The following LRMDA variants were observed in gnomAD, a reference collection of about 807,000 sequenced individuals.
The protein encoded by LRMDA is leucine-rich melanocyte differentiation-associated protein.
LRMDA carries 18 observed loss-of-function variants against 29.8 expected under a neutral mutation model. The ratio of observed to expected loss-of-function variants is 0.60; its 90% CI spans 0.42 to 0.90. LRMDA has a LOEUF of 0.90. Among genes scored for constraint, LRMDA ranks in the 40% least tolerant of loss-of-function variants. The pLI is 0.00. For missense variants in LRMDA, 273 were observed against 273.9 expected, an observed-to-expected ratio of 1.00 and a Z score of 0.02; for synonymous variants, 125 against 109.4, an observed-to-expected ratio of 1.14 and a Z score of -0.89.
chr10:75,706,358 T>C (rs1326044196), intron 2 of LRMDA, among the ~76,000 whole-genome samples: 1 of 152,208 alleles, frequency 6.6e-6, no homozygotes, highest in Non-Finnish European at 1.5e-5. Context: ...AATATTGGGC[T>C]GATGAGACAC....
At chr10:76,205,076 T>TA (rs1851509591) in intron 5 of LRMDA, among the ~76,000 whole-genome samples, 1 of 152,108 alleles carries the variant, frequency 6.6e-6, no homozygotes, top group Admixed American at 6.5e-5. Flanking sequence ...AACCGTGGGA[T>TA]CCTCTAACTG....
At chr10:76,242,444 T>C (rs1206048000) in intron 5 of LRMDA, 2 of 152,220 alleles carry the variant, frequency 1.3e-5, no homozygotes, top group African/African-American at 2.4e-5. Flanking sequence ...CTCCAAAGAC[T>C]CTGGGTAGAA....
intron 5 of LRMDA, among the ~76,000 whole-genome samples, chr10:76,092,741 A>G (rs1353540569): frequency 2.0e-5 from 3 of 152,236 alleles, no homozygotes. Flanking sequence ...TGTATGGAAT[A>G]GGAAATGTGG....
At chr10:75,572,097 G>A (rs917155052) in intron 2 of LRMDA, among the ~76,000 whole-genome samples, 3 of 152,010 alleles carry the variant, frequency 2.0e-5, no homozygotes, top group African/African-American at 7.3e-5. Context: ...GGGACTACAG[G>A]TGCACACCAC....
chr10:76,409,867 C>T (rs945868688), intron 6 of LRMDA, among the ~76,000 whole-genome samples: 27 of 152,128 alleles, frequency 1.8e-4, no homozygotes, highest in African/African-American at 6.0e-4. Context: ...AGGATAGAAT[C>T]TACAAAAACA....
At chr10:75,616,520 T>C (rs374844161) in intron 2 of LRMDA, among the ~76,000 whole-genome samples, 15 of 152,220 alleles carry the variant, frequency 9.9e-5, no homozygotes, top group African/African-American at 3.6e-4. Context: ...CCAAAAATTG[T>C]TAATCTCCAC....
intron 2 of LRMDA, among the ~76,000 whole-genome samples, chr10:76,014,148 A>T (rs1445604099): frequency 7.1e-6 from 1 of 140,360 alleles, no homozygotes; most frequent in African/African-American, 2.6e-5. Context: ...ATATATAATT[A>T]TATATATATA....
chr10:76,501,092 C>G lies in LRMDA; in HGVS notation c.602-56117C>G, dbSNP rs1156881496. Among the ~76,000 whole-genome samples the G allele has an allele frequency of 9.4e-5, 7 of 74,724 alleles. 3 individuals carry two copies. Among genetic ancestry groups the G allele is most frequent in the Non-Finnish European group, 2.7e-4 (6 of 22,560 alleles). The allele number at this position is 74,724 out of a possible 152,430, so 49.0% of individuals were successfully genotyped here. A position where few individuals can be genotyped will look rare whatever the true frequency, so the allele number is the denominator to read the frequency against. Reference sequence around the variant, plus strand: ...TTCCATTTGTATGTCTATGTGTACTCAGTTCTTAGCTCCCACTTATAAGTG... The same window carrying G: ...TTCCATTTGTATGTCTATGTGTACTGAGTTCTTAGCTCCCACTTATAAGTG... On this transcript the variant is annotated intron_variant, in intron 6 of 6. Transcript: ENST00000611255.
chr10:76,007,366 C>T (rs1284872144), intron 2 of LRMDA, among the ~76,000 whole-genome samples: 1 of 152,084 alleles, frequency 6.6e-6, no homozygotes, highest in Non-Finnish European at 1.5e-5. Context: ...TCAGTCCAGG[C>T]ATGTCAACTT....
intron 6 of LRMDA, among the ~76,000 whole-genome samples, chr10:76,419,600 G>A (rs936511862): frequency 6.6e-6 from 1 of 152,024 alleles, no homozygotes; most frequent in Non-Finnish European, 1.5e-5. Flanking sequence ...GTGGTTGCTG[G>A]ATGGTATGGA....
At chr10:75,469,617 T>C (rs1589152779) in intron 2 of LRMDA, among the ~76,000 whole-genome samples, 1 of 151,972 alleles carries the variant, frequency 6.6e-6, no homozygotes, top group Non-Finnish European at 1.5e-5. Context: ...TGTTGAAGGG[T>C]GTGCCACCCC....
At chr10:76,478,405 T>C (rs1589208060) in intron 6 of LRMDA, among the ~76,000 whole-genome samples, 2 of 152,162 alleles carry the variant, frequency 1.3e-5, no homozygotes, top group East Asian at 3.9e-4. Context: ...CAACAGGTGC[T>C]GGAGAGGATG....
In LRMDA at chr10:75,967,385, C is replaced by T. The variant is rs78574479; in HGVS notation, c.132-68623C>T. Among the ~76,000 whole-genome samples the T allele has an allele frequency of 6.5e-3, 993 of 151,766 alleles. 13 individuals carry two copies. Among genetic ancestry groups the T allele is most frequent in the African/African-American group, 0.023 (945 of 41,438 alleles). ...GAATTAACAATCTGACTTTTTTTTG[C>T]ATTGATTATTATAACATTAAGAGAG... is the stretch of plus-strand genomic sequence containing the variant. On this transcript the variant is annotated intron_variant, in intron 2 of 6. Coordinates refer to ENST00000611255, the MANE Select transcript of LRMDA (RefSeq NM_001305581.2).
chr10:75,672,523 TTCCTC>T (rs1564536232), intron 2 of LRMDA, among the ~76,000 whole-genome samples: 5 of 20,504 alleles, frequency 2.4e-4, no homozygotes, highest in African/African-American at 7.0e-4. Flanking sequence ...TTCTTTTCTT[TTCCTC>T]CCCTCCCCTC....
chr10:75,488,889 G>C (rs1844949020), intron 2 of LRMDA, among the ~76,000 whole-genome samples: 1 of 152,112 alleles, frequency 6.6e-6, no homozygotes, highest in Non-Finnish European at 1.5e-5. Flanking sequence ...ATGGCCAAGA[G>C]CCCCCTTAAC....
intron 2 of LRMDA, among the ~76,000 whole-genome samples, chr10:75,753,597 C>G (rs192331713): frequency 6.6e-6 from 1 of 151,988 alleles, no homozygotes; most frequent in Non-Finnish European, 1.5e-5. Context: ...AGGTGGGGAA[C>G]GGAATGCTGA....
chr10:75,973,461 C>T (rs2132441309), intron 2 of LRMDA, among the ~76,000 whole-genome samples: 1 of 149,518 alleles, frequency 6.7e-6, no homozygotes, highest in South Asian at 2.1e-4. Flanking sequence ...TCTTGTGGCT[C>T]AAGCTGGAGT....
At chr10:76,300,391 G>A (rs1044353682) in intron 5 of LRMDA, among the ~76,000 whole-genome samples, 1 of 152,292 alleles carries the variant, frequency 6.6e-6, no homozygotes, top group East Asian at 1.9e-4. Flanking sequence ...TCACAAAGTC[G>A]AGATATTATC....
intron 5 of LRMDA, among the ~76,000 whole-genome samples, chr10:76,309,591 G>A (rs2132375872): frequency 6.6e-6 from 1 of 152,282 alleles, no homozygotes; most frequent in African/African-American, 2.4e-5. Flanking sequence ...AAAGGCGGGT[G>A]TCTCCCTCTT....
Sources: allele counts gnomAD v4.1 joint callset (sites outside exome capture counted in the v4.1 genomes callset), GRCh38; gene constraint gnomAD v4.1.1; transcripts MANE v1.5; gene names NCBI Gene and HGNC (gene_info 2026-07-23, HGNC 2026-07-21).